Variants in KAZN observed in about 807,000 individuals in gnomAD.
The protein encoded by KAZN is kazrin.
In KAZN, 40 loss-of-function variants were observed where a neutral mutation model predicts 87.4. That is an observed-to-expected ratio of 0.46 (90% CI 0.36 to 0.60). The LOEUF (loss-of-function observed/expected upper bound fraction) is 0.60, where lower values mean the gene tolerates loss of function less well. KAZN is among the 20% of genes least tolerant of loss of function. The pLI, the probability that KAZN is intolerant of heterozygous loss-of-function variation, is 0.00. For missense variants in KAZN, 898 were observed against 1,073.9 expected, an observed-to-expected ratio of 0.84 and a Z score of 2.29; for synonymous variants, 466 against 458.3, an observed-to-expected ratio of 1.02 and a Z score of -0.22.
At chr1:14,238,976 C>T (rs942778877) in intron 2 of KAZN, among the ~76,000 whole-genome samples, 1 of 152,192 alleles carries the variant, frequency 6.6e-6, no homozygotes, top group South Asian at 2.1e-4. Flanking sequence ...TTCATTTGTA[C>T]TGGGATTGTG....
intron 1 of KAZN, among the ~76,000 whole-genome samples, chr1:14,873,683 C>T (rs1381054905): frequency 6.6e-6 from 1 of 152,162 alleles, no homozygotes. Context: ...GGGATTGGAT[C>T]TGACATATAT....
chr1:14,982,492 C>T (rs1285388428), intron 2 of KAZN, among the ~76,000 whole-genome samples: 1 of 129,872 alleles, frequency 7.7e-6, no homozygotes, highest in African/African-American at 3.0e-5. Context: ...TGCAGTGGTG[C>T]AATCTCAGCT....
intron 2 of KAZN, among the ~76,000 whole-genome samples, chr1:14,979,445 G>A (rs1294466834): frequency 6.6e-6 from 1 of 151,978 alleles, no homozygotes; most frequent in Non-Finnish European, 1.5e-5. Context: ...TATAAAGTGA[G>A]CCCAGCATGC....
intron 1 of KAZN, among the ~76,000 whole-genome samples, chr1:14,876,576 T>A (rs966749126): frequency 6.6e-6 from 1 of 152,120 alleles, no homozygotes; most frequent in African/African-American, 2.4e-5. Flanking sequence ...CTGCCTGGAT[T>A]CAAGTCTCAC....
chr1:14,113,971 A>G (rs1373618244), intron 1 of KAZN, among the ~76,000 whole-genome samples: 1 of 152,180 alleles, frequency 6.6e-6, no homozygotes, highest in African/African-American at 2.4e-5. Context: ...TAGGAAGGGA[A>G]AAGCTCAGTG....
intron 1 of KAZN, among the ~76,000 whole-genome samples, chr1:14,670,548 G>A (rs1329451418): frequency 2.0e-5 from 3 of 152,134 alleles, no homozygotes; most frequent in Admixed American, 6.5e-5. Context: ...TGAAAGCCCC[G>A]GATACCATGA....
At chr1:14,350,177 A>AC (rs1169583559) in intron 2 of KAZN, among the ~76,000 whole-genome samples, 1 of 151,246 alleles carries the variant, frequency 6.6e-6, no homozygotes, top group Middle Eastern at 3.2e-3. Flanking sequence ...CCTTGGAAGA[A>AC]CCCCCAGTCT....
intron 2 of KAZN, among the ~76,000 whole-genome samples, chr1:14,461,971 C>T (rs914920329): frequency 6.6e-6 from 1 of 151,830 alleles, no homozygotes; most frequent in African/African-American, 2.4e-5. Flanking sequence ...GCTGTGTCCC[C>T]ACCCAAATTT....
At chr1:14,337,691 C>T (rs542525487) in intron 2 of KAZN, among the ~76,000 whole-genome samples, 3 of 152,066 alleles carry the variant, frequency 2.0e-5, no homozygotes, top group Admixed American at 1.3e-4. Context: ...GTCAGGAGTT[C>T]GAGACCAGCC....
chr1:14,591,129 A>T (rs1286885995), intron 2 of KAZN, among the ~76,000 whole-genome samples: 1 of 151,014 alleles, frequency 6.6e-6, no homozygotes, highest in African/African-American at 2.4e-5. Flanking sequence ...TGTTGGGGGG[A>T]CCTCTCAGAA....
Position 14,972,482 on chromosome 1 carries a change from C to T in KAZN, c.418+11607C>T, listed in dbSNP as rs140418521. 4.4e-3 allele frequency among the ~76,000 whole-genome samples: 662 copies of T among 151,860 alleles called. 9 individuals are homozygous for T. The highest frequency in any genetic ancestry group is 0.015 in the African/African-American group (625 of 41,386). On this transcript the variant is annotated intron_variant, in intron 2 of 14. Coordinates refer to ENST00000376030, the MANE Select transcript of KAZN (RefSeq NM_201628.3). Reference sequence around the variant, plus strand: ...GATTCACCTCACCCCTGCTTGGCTCCCAGGGGAATGCGCTGCTGACCTCAG... The same window carrying T: ...GATTCACCTCACCCCTGCTTGGCTCTCAGGGGAATGCGCTGCTGACCTCAG...
intron 1 of KAZN, among the ~76,000 whole-genome samples, chr1:14,755,087 CAA>C (rs3032756): frequency 7.9e-4 from 91 of 115,526 alleles, no homozygotes; most frequent in African/African-American, 1.9e-3. Flanking sequence ...ACTAAAAATG[CAA>C]AAAAAAAAAA....
intron 1 of KAZN, chr1:14,945,950 G>A: frequency 1.0e-6 from 1 of 984,438 alleles, no homozygotes; most frequent in Non-Finnish European, 1.2e-6. Context: ...TGTTGACGGA[G>A]GGCTCATGGG....
intron 1 of KAZN, among the ~76,000 whole-genome samples, chr1:14,119,623 C>T (rs1466316724): frequency 6.6e-6 from 1 of 152,130 alleles, no homozygotes; most frequent in Non-Finnish European, 1.5e-5. Flanking sequence ...GAGGAATTTA[C>T]TGATTAGATG....
At chr1:14,537,817 A>G (rs140545320) in intron 2 of KAZN, among the ~76,000 whole-genome samples, 2 of 152,326 alleles carry the variant, frequency 1.3e-5, no homozygotes, top group East Asian at 3.9e-4. Context: ...TCAAGGAGCA[A>G]TAGAGGGAAG....
chr1:14,287,330 A>G (rs1653332870), intron 2 of KAZN, among the ~76,000 whole-genome samples: 1 of 152,130 alleles, frequency 6.6e-6, no homozygotes, highest in Non-Finnish European at 1.5e-5. Flanking sequence ...ATCATGTGAC[A>G]CTATTCTGAC....
At position 14,856,169 on chromosome 1, in the gene KAZN, T is replaced by C. The variant is rs1000521722; in HGVS notation, c.227-104515T>C. Among the ~76,000 whole-genome samples the C allele has an allele frequency of 1.3e-5, 2 of 152,086 alleles. No homozygotes were observed. The highest frequency in any genetic ancestry group is 2.9e-5 in the Non-Finnish European group (2 of 68,018). On this transcript the variant is annotated intron_variant, in intron 1 of 14. Coordinates refer to ENST00000376030, the MANE Select transcript of KAZN (RefSeq NM_201628.3). The surrounding 1 kb of genome is among the most constrained non-coding windows in gnomAD (Gnocchi z 5.2). Reference sequence around the variant, plus strand: ...AGACTCTGAGGGTGGTCAGGGAGGCTGCAGCTCTTGGGAGGATAATGGGCA... The same window carrying C: ...AGACTCTGAGGGTGGTCAGGGAGGCCGCAGCTCTTGGGAGGATAATGGGCA...
intron 3 of KAZN, among the ~76,000 whole-genome samples, chr1:15,040,194 T>C (rs4661314): frequency 0.39 from 59,053 of 152,048 alleles, 12,034 homozygotes; most frequent in Non-Finnish European, 0.46. Context: ...TTTTATTTCA[T>C]CTCTTCCAAG....
At chr1:14,477,250 C>T (rs1445720033) in intron 2 of KAZN, among the ~76,000 whole-genome samples, 9 of 152,168 alleles carry the variant, frequency 5.9e-5, no homozygotes. Context: ...TTCTCTTTGC[C>T]TGCTGCCATC....
Sources: allele counts gnomAD v4.1 joint callset (sites outside exome capture counted in the v4.1 genomes callset), GRCh38; gene constraint gnomAD v4.1.1; non-coding constraint Gnocchi (gnomAD v3.1); transcripts MANE v1.5; gene names NCBI Gene and HGNC (gene_info 2026-07-23, HGNC 2026-07-21).